SNX29: variants seen among roughly 807,000 people sequenced by gnomAD.
The protein encoded by SNX29 is sorting nexin 29, also known as sorting nexin-29.
In SNX29, 78 loss-of-function variants were observed where a neutral mutation model predicts 102.1. The ratio of observed to expected loss-of-function variants is 0.76; its 90% confidence interval spans 0.64 to 0.92. SNX29 has a LOEUF of 0.92. SNX29 is among the 40% of genes least tolerant of loss of function. The pLI, the probability that SNX29 is intolerant of heterozygous loss-of-function variation, is 0.00. For missense variants in SNX29, 1,280 were observed against 1,061.7 expected, an observed-to-expected ratio of 1.21 and a Z score of -2.86; for synonymous variants, 580 against 414.5, an observed-to-expected ratio of 1.40 and a Z score of -4.85.
At chr16:12,155,359 A>G (rs2055498715) in intron 13 of SNX29, among the ~76,000 whole-genome samples, 1 of 152,210 alleles carries the variant, frequency 6.6e-6, no homozygotes, top group Non-Finnish European at 1.5e-5. Context: ...TTAGCAAGCC[A>G]CTGGGAGGAG....
chr16:12,295,927 G>A (rs1331073671), intron 15 of SNX29, among the ~76,000 whole-genome samples: 1 of 152,118 alleles, frequency 6.6e-6, no homozygotes, highest in Non-Finnish European at 1.5e-5. Context: ...TGAGATTAAC[G>A]TTTCCAAAAA....
chr16:12,541,211 G>A (rs2077320359), intron 20 of SNX29, among the ~76,000 whole-genome samples: 1 of 152,098 alleles, frequency 6.6e-6, no homozygotes, highest in Non-Finnish European at 1.5e-5. Flanking sequence ...ATGGAATATT[G>A]GTGCATGGAG....
intron 16 of SNX29, among the ~76,000 whole-genome samples, chr16:12,357,491 T>C (rs2082168976): frequency 6.6e-6 from 1 of 152,260 alleles, no homozygotes; most frequent in Admixed American, 6.5e-5. Flanking sequence ...AATTGGTTAA[T>C]ATGTCTCTAT....
intron 8 of SNX29, among the ~76,000 whole-genome samples, chr16:12,059,535 C>T (rs1167309949): frequency 1.3e-5 from 2 of 152,284 alleles, no homozygotes; most frequent in East Asian, 3.9e-4. Flanking sequence ...AGGATTATTT[C>T]CTCCTGTGCT....
intron 13 of SNX29, among the ~76,000 whole-genome samples, chr16:12,156,738 C>T (rs150154228): frequency 2.5e-4 from 38 of 152,346 alleles, no homozygotes; most frequent in African/African-American, 8.2e-4. Flanking sequence ...CCGACTTGGC[C>T]AAATGAATGA....
chr16:12,332,115 C>T (rs929109733), intron 15 of SNX29, among the ~76,000 whole-genome samples: 9 of 152,098 alleles, frequency 5.9e-5, no homozygotes, highest in African/African-American at 2.2e-4. Flanking sequence ...CTTACTTTTG[C>T]TGTTACTGAT....
At chr16:12,488,196 T>C (rs1190306205) in intron 19 of SNX29, among the ~76,000 whole-genome samples, 1 of 152,120 alleles carries the variant, frequency 6.6e-6, no homozygotes, top group Admixed American at 6.5e-5. Context: ...ACTGAAAGCA[T>C]ATTTGCTGTT....
rs1473098309 is a variant in SNX29 at position 12,538,441 on chromosome 16, CTTGGT to C, written c.2318+13607_2318+13611del. Among the ~76,000 whole-genome samples, 13 of 152,250 alleles carry C rather than the reference CTTGGT, an allele frequency of 8.5e-5. No individual in the cohort carries two copies. The East Asian group carries it at 2.5e-3, about 29-fold the overall frequency. On this transcript the variant is annotated intron_variant, in intron 20 of 20. Coordinates refer to ENST00000566228, the MANE Select transcript of SNX29 (RefSeq NM_032167.5). The stretch of plus-strand genomic sequence containing the variant: ...TGGGAGTAATAACTGAGAATGGTTA[CTTGGT>C]TTGGTTATCACGTATCTCCTATGTT...
chr16:12,091,014 C>CA (rs58933500), intron 11 of SNX29, among the ~76,000 whole-genome samples: 4,451 of 53,344 alleles, frequency 0.083, 303 homozygotes, highest in African/African-American at 0.13. Flanking sequence ...GACTTCATCT[C>CA]AAAAAAAAAA....
intron 13 of SNX29, among the ~76,000 whole-genome samples, chr16:12,175,684 G>A (rs1458789389): frequency 3.3e-5 from 5 of 151,278 alleles, no homozygotes; most frequent in African/African-American, 1.2e-4. Flanking sequence ...GCTGTAATAC[G>A]ATAGGACCGA....
chr16:12,349,741 C>G (rs1050728643), intron 15 of SNX29, among the ~76,000 whole-genome samples: 5 of 152,146 alleles, frequency 3.3e-5, no homozygotes, highest in African/African-American at 9.7e-5. Context: ...CTTTTCAACT[C>G]TCTTGAATTT....
Position 12,489,272 on chromosome 16 carries a change from C to G in SNX29, c.2178+11413C>G, listed in dbSNP as rs560851672. The stretch of plus-strand genomic sequence containing the variant: ...ACTGTGTATTGCAATCTTGGTTCAT[C>G]TCTAACACGCTGGAAAAAAAAAAAA... On this transcript the variant is annotated intron_variant, in intron 19 of 20. Coordinates refer to ENST00000566228, the MANE Select transcript of SNX29 (RefSeq NM_032167.5). Among the ~76,000 whole-genome samples the G allele has an allele frequency of 5.3e-5, 8 of 150,318 alleles. No homozygotes were observed. The South Asian group carries it at 1.3e-3, about 24-fold the overall frequency.
At chr16:12,534,190 A>G (rs2077007111) in intron 20 of SNX29, among the ~76,000 whole-genome samples, 1 of 152,144 alleles carries the variant, frequency 6.6e-6, no homozygotes, top group South Asian at 2.1e-4. Context: ...TCTTCATAAG[A>G]GTGTGGGCTC....
chr16:12,445,013 G>A (rs1285125504), intron 18 of SNX29, among the ~76,000 whole-genome samples: 2 of 151,930 alleles, frequency 1.3e-5, no homozygotes, highest in African/African-American at 4.8e-5. Context: ...ACCACGCCCA[G>A]CTAATTTTGG....
At chr16:12,119,764 C>T (rs2053894977) in intron 11 of SNX29, among the ~76,000 whole-genome samples, 1 of 152,224 alleles carries the variant, frequency 6.6e-6, no homozygotes, top group Non-Finnish European at 1.5e-5. Flanking sequence ...TGGGTCCTTG[C>T]CTGGCCACTT....
At chr16:12,340,275 C>G (rs1289876956) in intron 15 of SNX29, among the ~76,000 whole-genome samples, 1 of 152,210 alleles carries the variant, frequency 6.6e-6, no homozygotes, top group Non-Finnish European at 1.5e-5. Context: ...AATCTGGTCT[C>G]TGCAAAGGAA....
chr16:11,995,235 T>A (rs1165821706), intron 1 of SNX29, among the ~76,000 whole-genome samples: 2 of 152,152 alleles, frequency 1.3e-5, no homozygotes, highest in African/African-American at 4.8e-5. Context: ...CTGGCTAATT[T>A]TTGTATTTTT....
At chr16:12,166,465 C>T (rs182883380) in intron 13 of SNX29, among the ~76,000 whole-genome samples, 1 of 152,304 alleles carries the variant, frequency 6.6e-6, no homozygotes, top group Admixed American at 6.5e-5. Flanking sequence ...AAGGGCTCTC[C>T]ACTTGGAGGA....
In SNX29 at chr16:12,477,729, G is replaced by C; in HGVS notation, c.2048G>C (p.Arg683Pro). The C allele has an allele frequency of 6.2e-7, 1 of 1,611,422 alleles. No individual in the cohort carries two copies. Among genetic ancestry groups the C allele is most frequent in the Non-Finnish European group, 8.5e-7 (1 of 1,179,218 alleles). Residue 683 changes from arginine to proline, a missense_variant, in exon 19 of 21, where the codon CGG (arginine) becomes CCG (proline). Transcript: ENST00000566228. ...NAFHVYQVYI[R>P]IKDDEWNIYR... is the part of the protein sequence containing the mutation. ...TCTCTTTCTTGACAGGTCTACATCC[G>C]GATAAAAGACGATGAATGGAATATT...
Sources: allele counts gnomAD v4.1 joint callset (sites outside exome capture counted in the v4.1 genomes callset), GRCh38; gene constraint gnomAD v4.1.1; transcripts MANE v1.5; gene names NCBI Gene and HGNC (gene_info 2026-07-23, HGNC 2026-07-21).